PACRG: variants seen among roughly 807,000 people sequenced by gnomAD.
PACRG encodes parkin coregulated.
PACRG carries 29 observed loss-of-function variants against 29.7 expected under a neutral mutation model. That is an observed-to-expected ratio of 0.98 (90% CI 0.73 to 1.33). The LOEUF (loss-of-function observed/expected upper bound fraction) is 1.33, where lower values mean the gene tolerates loss of function less well. PACRG is among the 40% of genes most tolerant of loss of function. The pLI, the probability that PACRG is intolerant of heterozygous loss-of-function variation, is 0.00. For synonymous variants in PACRG, 116 were observed against 118.7 expected, an observed-to-expected ratio of 0.98 and a Z score of 0.15; for missense variants, 279 against 316.2, an observed-to-expected ratio of 0.88 and a Z score of 0.89.
intron 2 of PACRG, among the ~76,000 whole-genome samples, chr6:162,988,434 T>G (rs555847139): frequency 2.0e-5 from 3 of 152,242 alleles, no homozygotes; most frequent in South Asian, 4.1e-4. Flanking sequence ...TGGATATGCA[T>G]GGGGCAAGCC....
chr6:163,063,514 G>C (rs1028153513), intron 3 of PACRG, among the ~76,000 whole-genome samples: 1 of 152,134 alleles, frequency 6.6e-6, no homozygotes, highest in Non-Finnish European at 1.5e-5. Flanking sequence ...CCAGAGTCTG[G>C]ATTATTTAAT....
chr6:163,282,058 G>T (rs1204821424), intron 4 of PACRG, among the ~76,000 whole-genome samples: 3 of 151,870 alleles, frequency 2.0e-5, no homozygotes, highest in African/African-American at 7.3e-5. Flanking sequence ...ATTATTGTTT[G>T]GGTCACTTGA....
intron 2 of PACRG, among the ~76,000 whole-genome samples, chr6:162,911,528 C>T (rs1796301196): frequency 6.6e-6 from 1 of 152,150 alleles, no homozygotes; most frequent in Admixed American, 6.5e-5. Flanking sequence ...ATTTAGGATA[C>T]TTACAGAATA....
At chr6:163,288,265 A>C (rs1784466602) in intron 4 of PACRG, among the ~76,000 whole-genome samples, 2 of 152,198 alleles carry the variant, frequency 1.3e-5, no homozygotes, top group African/African-American at 4.8e-5. Flanking sequence ...TAAACCTGAC[A>C]GTGGTAAAGA....
intron 2 of PACRG, among the ~76,000 whole-genome samples, chr6:163,005,603 C>T (rs1036489743): frequency 3.3e-5 from 5 of 151,684 alleles, no homozygotes; most frequent in Non-Finnish European, 5.9e-5. Flanking sequence ...TACTAATGCT[C>T]ATTTAATTTC....
At chr6:162,950,977 G>A (rs1222742656) in intron 2 of PACRG, among the ~76,000 whole-genome samples, 1 of 152,152 alleles carries the variant, frequency 6.6e-6, no homozygotes, top group Non-Finnish European at 1.5e-5. Flanking sequence ...CAGACGGAGT[G>A]TTTAATTTGT....
chr6:162,974,240 A>G (rs2128163414), intron 2 of PACRG, among the ~76,000 whole-genome samples: 1 of 152,326 alleles, frequency 6.6e-6, no homozygotes, highest in South Asian at 2.1e-4. Flanking sequence ...TGTAATAAAC[A>G]AAAGTAGTGC....
intron 4 of PACRG, among the ~76,000 whole-genome samples, chr6:163,181,634 C>G (rs1202056611): frequency 8.1e-6 from 1 of 123,046 alleles, no homozygotes; most frequent in East Asian, 2.6e-4. Flanking sequence ...AAAAAAAATA[C>G]AGACACATCT....
intron 2 of PACRG, among the ~76,000 whole-genome samples, chr6:162,898,284 T>G (rs567612999): frequency 6.6e-6 from 1 of 152,250 alleles, no homozygotes; most frequent in East Asian, 1.9e-4. Flanking sequence ...GAAGAAGCAC[T>G]GAAGAGTCCC....
intron 1 of PACRG, among the ~76,000 whole-genome samples, chr6:162,753,991 G>T (rs35696734): frequency 0.079 from 12,023 of 152,174 alleles, 658 homozygotes; most frequent in South Asian, 0.22. Flanking sequence ...AGTTCCTTAT[G>T]ATGTATACTC....
intron 2 of PACRG, among the ~76,000 whole-genome samples, chr6:162,973,042 A>G (rs1328794967): frequency 6.6e-6 from 1 of 152,246 alleles, no homozygotes. Context: ...GGAGAAACTT[A>G]CTTTTAAAAC....
chr6:162,982,603 G>A (rs1213096275), intron 2 of PACRG, among the ~76,000 whole-genome samples: 2 of 151,978 alleles, frequency 1.3e-5, no homozygotes, highest in African/African-American at 2.4e-5. Context: ...CCATGTATTT[G>A]TATGGTTTTG....
At chr6:163,276,054 C>G (rs1007552912) in intron 4 of PACRG, among the ~76,000 whole-genome samples, 7 of 136,516 alleles carry the variant, frequency 5.1e-5, no homozygotes, top group Non-Finnish European at 8.0e-5. Context: ...TTAGACAGAG[C>G]CTCACTTTAT....
At chr6:162,979,289 G>A (rs1194358538) in intron 2 of PACRG, among the ~76,000 whole-genome samples, 1 of 152,064 alleles carries the variant, frequency 6.6e-6, no homozygotes, top group African/African-American at 2.4e-5. Flanking sequence ...GACATGTTGA[G>A]GATTTTGTCA....
Position 162,873,751 on chromosome 6 carries a change from A to T in PACRG, c.291+59470A>T, listed in dbSNP as rs561206961. On this transcript the variant is annotated intron_variant, in intron 2 of 4. Coordinates refer to ENST00000366888, the MANE Select transcript of PACRG (RefSeq NM_001080379.2). ...AGCTTGAAAAACCAATTCGGCACCA[A>T]AACTTTCAGTGACTCACATCTTATC... is the stretch of plus-strand genomic sequence containing the variant. Among the ~76,000 whole-genome samples the T allele has an allele frequency of 1.6e-4, 24 of 152,298 alleles. No individual in the cohort carries two copies. In the South Asian group the frequency reaches 4.8e-3, roughly 30 times the overall value.
At chr6:163,294,708 G>A (rs571886931) in intron 4 of PACRG, among the ~76,000 whole-genome samples, 73 of 152,248 alleles carry the variant, frequency 4.8e-4, no homozygotes, top group African/African-American at 1.3e-3. Flanking sequence ...TAATTTCACA[G>A]ATAACTTGAA....
intron 3 of PACRG, among the ~76,000 whole-genome samples, chr6:163,069,123 C>T (rs1433603041): frequency 2.0e-5 from 3 of 151,966 alleles, no homozygotes; most frequent in African/African-American, 7.3e-5. Flanking sequence ...GCTCCCAGTG[C>T]AGATACAGCT....
chr6:162,942,769 T>A (rs559823914), intron 2 of PACRG, among the ~76,000 whole-genome samples: 68 of 152,194 alleles, frequency 4.5e-4, no homozygotes, highest in Admixed American at 2.7e-3. Flanking sequence ...TTTGATTGAT[T>A]CAGTGCCAGA....
intron 4 of PACRG, among the ~76,000 whole-genome samples, chr6:163,163,941 C>T (rs2747691): frequency 0.21 from 31,645 of 151,882 alleles, 3,933 homozygotes; most frequent in South Asian, 0.32. Context: ...ATAGATATTG[C>T]GATTTGTTTT....
Sources: gnomAD v4.1 joint callset for allele counts (sites outside exome capture counted in the v4.1 genomes callset) on GRCh38, gnomAD v4.1.1 for gene constraint, MANE v1.5 for transcripts, NCBI Gene and HGNC (gene_info 2026-07-23, HGNC 2026-07-21) for gene names.